Variants in HLCS observed in about 807,000 individuals in gnomAD.
The protein encoded by HLCS is holocarboxylase synthetase.
HLCS carries 53 observed loss-of-function variants against 75.0 expected under a neutral mutation model. The observed-to-expected ratio is 0.71, with a 90% CI of 0.57 to 0.89. HLCS has a LOEUF of 0.89. Ranked by LOEUF, HLCS falls within the 40% of genes least tolerant of loss-of-function variation. The probability of loss-of-function intolerance (pLI) is 0.00; values close to 1 mark genes in which losing one functional copy is unlikely to be tolerated. For synonymous variants in HLCS, 431 were observed against 428.6 expected (o/e 1.01, Z -0.07); for missense variants, 966 against 1,074.0 (o/e 0.90, Z 1.41).
intron 4 of HLCS, 111 bp downstream of exon 4, chr21:36,936,338 G>A (rs371478176): frequency 9.5e-5 from 92 of 966,682 alleles, no homozygotes; most frequent in Middle Eastern, 4.2e-4. Flanking sequence ...AAAACAGCCC[G>A]CAGCACACGA....
intron 2 of HLCS, among the ~76,000 whole-genome samples, chr21:36,942,988 C>T (rs1357490661): frequency 1.3e-5 from 2 of 151,888 alleles, no homozygotes; most frequent in Non-Finnish European, 2.9e-5. Context: ...AGAAACACTG[C>T]TCAACATCAG....
chr21:36,883,340 G>A (rs2064311217), intron 6 of HLCS, among the ~76,000 whole-genome samples: 1 of 152,198 alleles, frequency 6.6e-6, no homozygotes, highest in African/African-American at 2.4e-5. Flanking sequence ...AGAGAGGGAT[G>A]CCTAACAAGT....
Position 36,782,053 on chromosome 21 carries a change from T to C in HLCS, c.1893-14768A>G, listed in dbSNP as rs541372062. On this transcript the variant is annotated intron_variant, in intron 6 of 10. Transcript: ENST00000674895. ...GAAAAAAAAATCACATTTGTCTTAA[T>C]GTTAGATTCTGTTAGTTAATATTTA... Among the ~76,000 whole-genome samples, 10 of 152,282 alleles carry C rather than the reference T, an allele frequency of 6.6e-5. No individual in the cohort carries two copies. The South Asian group carries it at 2.1e-3, about 32-fold the overall frequency.
At chr21:36,885,169 G>GA (rs1344846386) in intron 6 of HLCS, among the ~76,000 whole-genome samples, 2 of 152,078 alleles carry the variant, frequency 1.3e-5, no homozygotes, top group South Asian at 2.1e-4. Flanking sequence ...TCTAGTATGA[G>GA]AAAAAAACTG....
At chr21:36,910,546 GAA>G (rs201799627) in intron 5 of HLCS, among the ~76,000 whole-genome samples, 1 of 144,112 alleles carries the variant, frequency 6.9e-6, no homozygotes, top group African/African-American at 2.6e-5. Context: ...ACTCTGTATG[GAA>G]AAAAAAAAAA....
At chr21:36,833,583 T>TAA (rs202073421) in intron 6 of HLCS, among the ~76,000 whole-genome samples, 2 of 141,948 alleles carry the variant, frequency 1.4e-5, no homozygotes, top group Admixed American at 6.9e-5. Context: ...GGAGACTGTC[T>TAA]AAAAAAAAAT....
At chr21:36,989,355 C>T (rs1305991486) in intron 1 of HLCS, among the ~76,000 whole-genome samples, 2 of 133,000 alleles carry the variant, frequency 1.5e-5, no homozygotes. Flanking sequence ...ACGGAGTTCG[C>T]TCTTGTCGTC....
chr21:36,915,889 G>T (rs1186916848), intron 5 of HLCS, among the ~76,000 whole-genome samples: 1 of 152,078 alleles, frequency 6.6e-6, no homozygotes, highest in Non-Finnish European at 1.5e-5. Context: ...TGTCCCTGGG[G>T]TCTCTGGGGG....
intron 5 of HLCS, among the ~76,000 whole-genome samples, chr21:36,912,693 GAGA>G (rs1291851950): frequency 6.6e-6 from 1 of 152,076 alleles, no homozygotes; most frequent in Non-Finnish European, 1.5e-5. Context: ...AAGGGAGAGA[GAGA>G]AGGAGTCAGG....
chr21:36,774,483 C>T (rs2060298731), intron 6 of HLCS, among the ~76,000 whole-genome samples: 1 of 152,076 alleles, frequency 6.6e-6, no homozygotes. Context: ...CAAAGTGGTC[C>T]CTGTCATGTC....
intron 6 of HLCS, among the ~76,000 whole-genome samples, chr21:36,891,040 G>C (rs533074985): frequency 5.3e-5 from 8 of 152,144 alleles, no homozygotes; most frequent in Non-Finnish European, 1.2e-4. Flanking sequence ...TAGATCCATG[G>C]TTGCCTACTA....
rs74276193 is a variant in HLCS, at chr21:36,921,518, G to A, written c.1620+8733C>T. Reference sequence around the variant, plus strand: ...AAACTTTTCCTTAATGCATGTAGGAGGCAGGTTGAATTAAACTAAAAGTTT... The same window carrying A: ...AAACTTTTCCTTAATGCATGTAGGAAGCAGGTTGAATTAAACTAAAAGTTT... On this transcript the variant is annotated intron_variant, in intron 5 of 10. Transcript: ENST00000674895. Among the ~76,000 whole-genome samples the A allele has an allele frequency of 5.3e-4, 81 of 152,294 alleles. 1 individual carries two copies. The East Asian group carries it at 0.015, about 29-fold the overall frequency.
chr21:36,797,185 C>T (rs55844976), intron 6 of HLCS, among the ~76,000 whole-genome samples: 11,350 of 152,158 alleles, frequency 0.075, 470 homozygotes, highest in African/African-American at 0.094. Flanking sequence ...TCTCTCTTAA[C>T]ACTGCCCTGA....
chr21:36,943,683 T>C (rs1313203393), intron 2 of HLCS, among the ~76,000 whole-genome samples: 1 of 151,884 alleles, frequency 6.6e-6, no homozygotes, highest in African/African-American at 2.4e-5. Context: ...GCCAGGTGTG[T>C]TGATGGGCAC....
At chr21:36,803,761 A>G (rs1007711629) in intron 6 of HLCS, among the ~76,000 whole-genome samples, 66 of 152,178 alleles carry the variant, frequency 4.3e-4, no homozygotes, top group African/African-American at 1.5e-3. Flanking sequence ...ATTGAAAAAA[A>G]AAAAAAGCCT....
In HLCS at chr21:36,938,742, G is replaced by A. The variant is rs912067991; in HGVS notation, c.493+90C>T. The A allele has an allele frequency of 6.5e-5, 87 of 1,338,552 alleles. No homozygotes were observed. In the African/African-American group the frequency reaches 8.6e-4, roughly 13 times the overall value. The allele number at this position is 1,338,552 out of a possible 1,614,324, so 82.9% of individuals were successfully genotyped here. A position where few individuals can be genotyped will look rare whatever the true frequency, so the allele number is the denominator to read the frequency against. ...GGTCTCGAACTCCTGGGCTCCAAGC[G>A]ATCCTCCTGCCTCGGCCTTCCAAAG... is the stretch of plus-strand genomic sequence containing the variant. On this transcript the variant is annotated intron_variant, in intron 3 of 10. Coordinates refer to ENST00000674895, the MANE Select transcript of HLCS (RefSeq NM_001352514.2).
chr21:36,921,874 G>A (rs181623406), intron 5 of HLCS, among the ~76,000 whole-genome samples: 136 of 152,172 alleles, frequency 8.9e-4, no homozygotes, highest in Non-Finnish European at 1.6e-3. Flanking sequence ...CTCCAGACCC[G>A]CTACTCTAAG....
intron 6 of HLCS, among the ~76,000 whole-genome samples, chr21:36,864,101 T>C (rs2146201979): frequency 6.6e-6 from 1 of 152,322 alleles, no homozygotes; most frequent in South Asian, 2.1e-4. Context: ...TCCACCATCA[T>C]CTAAAGTGCA....
chr21:36,901,291 T>C (rs763574400), intron 5 of HLCS, among the ~76,000 whole-genome samples: 8 of 151,986 alleles, frequency 5.3e-5, no homozygotes, highest in Non-Finnish European at 1.2e-4. Context: ...AAACAATGAA[T>C]TGGCAGTAGA....
Sources: allele counts gnomAD v4.1 joint callset (sites outside exome capture counted in the v4.1 genomes callset), GRCh38; gene constraint gnomAD v4.1.1; transcripts MANE v1.5; gene names NCBI Gene and HGNC (gene_info 2026-07-23, HGNC 2026-07-21).